Variants in THSD7A observed in about 807,000 individuals in gnomAD.
The protein encoded by THSD7A is thrombospondin type-1 domain-containing protein 7A.
Under a neutral mutation model 231.3 loss-of-function variants are expected in THSD7A, and 96 were observed. That is an observed-to-expected ratio of 0.41 (90% CI 0.35 to 0.49). The LOEUF is 0.49. THSD7A is among the 20% of genes least tolerant of loss of function. The pLI, the probability that THSD7A is intolerant of heterozygous loss-of-function variation, is 0.05. For missense variants in THSD7A, 2,290 were observed against 2,070.2 expected (o/e 1.11, Z -2.06); for synonymous variants, 940 against 743.3 (o/e 1.26, Z -4.30).
intron 2 of THSD7A, among the ~76,000 whole-genome samples, chr7:11,596,430 T>A (rs1780359262): frequency 6.6e-6 from 1 of 152,118 alleles, no homozygotes. Flanking sequence ...CCGGGATTCA[T>A]CCTGTGGTCG....
At chr7:11,375,956 T>A in intron 27 of THSD7A, 78 bp from the exon 28 acceptor site, 1 of 1,347,686 alleles carries the variant, frequency 7.4e-7, no homozygotes, top group Non-Finnish European at 1.1e-6. Flanking sequence ...GAAAAAAAAG[T>A]AAAAGCAAAT....
At chr7:11,612,617 A>C (rs1780972497) in intron 2 of THSD7A, among the ~76,000 whole-genome samples, 1 of 152,208 alleles carries the variant, frequency 6.6e-6, no homozygotes, top group South Asian at 2.1e-4. Context: ...AAGTATCAGA[A>C]GCGATGTTAT....
chr7:11,756,949 G>A (rs754255472), intron 1 of THSD7A, among the ~76,000 whole-genome samples: 5 of 152,034 alleles, frequency 3.3e-5, no homozygotes, highest in Admixed American at 6.6e-5. Context: ...CTGAATTCTG[G>A]CATCAAGTGA....
chr7:11,567,342 AACTC>A (rs200033542), intron 4 of THSD7A, among the ~76,000 whole-genome samples: 2,343 of 152,182 alleles, frequency 0.015, 56 homozygotes, highest in African/African-American at 0.051. Context: ...ATCTCGTGAG[AACTC>A]ACTCACTGTC....
At chr7:11,740,767 T>C (rs1408293618) in intron 1 of THSD7A, among the ~76,000 whole-genome samples, 2 of 151,994 alleles carry the variant, frequency 1.3e-5, no homozygotes, top group Non-Finnish European at 2.9e-5. Context: ...CCAGAAAGTA[T>C]ATTGTGTGTG....
intron 2 of THSD7A, among the ~76,000 whole-genome samples, chr7:11,611,730 TG>T (rs1343888567): frequency 6.6e-6 from 1 of 151,462 alleles, no homozygotes; most frequent in African/African-American, 2.4e-5. Flanking sequence ...AGGAGTGTTT[TG>T]AAGGTTGTAG....
At chr7:11,478,013 T>A (rs999710232) in intron 7 of THSD7A, among the ~76,000 whole-genome samples, 6 of 152,134 alleles carry the variant, frequency 3.9e-5, no homozygotes, top group African/African-American at 1.4e-4. Flanking sequence ...TACCACAGAG[T>A]GTACTAGTTT....
Position 11,446,806 on chromosome 7 carries a change from T to C in THSD7A, c.2800+424A>G, listed in dbSNP as rs943379110. On this transcript the variant is annotated intron_variant, in intron 12 of 27. Transcript: ENST00000423059. The surrounding 1 kb of genome is among the most constrained non-coding windows in gnomAD (Gnocchi z 4.0). The stretch of plus-strand genomic sequence containing the variant: ...ATATTCATGCTGTTAGTCATTACTA[T>C]GGTTTAAAATACAATTTTCAGATAC... Among the ~76,000 whole-genome samples, 3 of 152,160 alleles carry C rather than the reference T, an allele frequency of 2.0e-5. No individual in the cohort carries two copies. Among genetic ancestry groups the C allele is most frequent in the Non-Finnish European group, 2.9e-5 (2 of 68,004 alleles).
intron 13 of THSD7A, among the ~76,000 whole-genome samples, chr7:11,431,202 G>A (rs1268448668): frequency 6.6e-6 from 1 of 152,152 alleles, no homozygotes; most frequent in African/African-American, 2.4e-5. Context: ...AGTTTTAAAT[G>A]TCAATGAAGT....
At chr7:11,553,875 T>C (rs1170693365) in intron 4 of THSD7A, among the ~76,000 whole-genome samples, 2 of 151,892 alleles carry the variant, frequency 1.3e-5, no homozygotes, top group African/African-American at 2.4e-5. Flanking sequence ...TCAACACTTC[T>C]TTTTCTATCA....
chr7:11,439,140 G>A (rs2128292718), intron 13 of THSD7A, among the ~76,000 whole-genome samples: 1 of 151,986 alleles, frequency 6.6e-6, no homozygotes, highest in South Asian at 2.1e-4. Flanking sequence ...TCTGAATTGG[G>A]CTTTGATTTT....
intron 1 of THSD7A, among the ~76,000 whole-genome samples, chr7:11,695,293 C>A (rs927228014): frequency 6.6e-6 from 1 of 151,426 alleles, no homozygotes; most frequent in Non-Finnish European, 1.5e-5. Context: ...GTATTAAAAC[C>A]TGAGAGTGTT....
At chr7:11,529,604 C>CTT (rs1491567836) in intron 6 of THSD7A, among the ~76,000 whole-genome samples, 1 of 52,046 alleles carries the variant, frequency 1.9e-5, no homozygotes, top group African/African-American at 2.5e-4. Context: ...TCCCCCTTTG[C>CTT]TCTCTCTCTC....
At position 11,379,492 on chromosome 7, in the gene THSD7A, A is replaced by AT. The variant is rs375924370; in HGVS notation, c.4590+137dup. 1.2e-3 allele frequency: 1,096 copies of AT among 919,182 alleles called. 9 individuals are homozygous for AT. The African/African-American group carries it at 0.016, about 14-fold the overall frequency. The allele number at this position is 919,182 out of a possible 1,614,324, so 56.9% of individuals were successfully genotyped here. ...AGCAAGTGAAGTCAGGACTTTTTAGATTGATAAAAGGAGATGTCTAAAATG... is the reference window on the plus strand; with the variant it reads ...AGCAAGTGAAGTCAGGACTTTTTAGATTTGATAAAAGGAGATGTCTAAAATG... On this transcript the variant is annotated intron_variant, in intron 25 of 27. Transcript: ENST00000423059.
At chr7:11,571,599 A>G (rs12699239) in intron 4 of THSD7A, among the ~76,000 whole-genome samples, 98,840 of 152,096 alleles carry the variant, frequency 0.65, 32,661 homozygotes, top group African/African-American at 0.78. Context: ...TCCATAGTCT[A>G]TGTTCACAAC....
At chr7:11,454,024 G>A (rs1785225924) in intron 11 of THSD7A, among the ~76,000 whole-genome samples, 1 of 152,062 alleles carries the variant, frequency 6.6e-6, no homozygotes, top group Middle Eastern at 3.4e-3. Flanking sequence ...AGACAGTGGA[G>A]GTTACAGTTC....
chr7:11,650,302 T>C (rs1782446501), intron 1 of THSD7A, among the ~76,000 whole-genome samples: 1 of 152,054 alleles, frequency 6.6e-6, no homozygotes, highest in South Asian at 2.1e-4. Flanking sequence ...CAACGTCTCC[T>C]GCATCTTCTG....
chr7:11,432,555 C>G (rs1326551589), intron 13 of THSD7A, among the ~76,000 whole-genome samples: 1 of 152,010 alleles, frequency 6.6e-6, no homozygotes, highest in Non-Finnish European at 1.5e-5. Flanking sequence ...TCATGTAAAT[C>G]GAATCATATA....
At chr7:11,818,382 A>G (rs140358948) in intron 1 of THSD7A, among the ~76,000 whole-genome samples, 3 of 152,222 alleles carry the variant, frequency 2.0e-5, no homozygotes, top group Non-Finnish European at 4.4e-5. Flanking sequence ...ATAGTGTACT[A>G]TATTTCTATT....
Sources: allele counts gnomAD v4.1 joint callset (sites outside exome capture counted in the v4.1 genomes callset), GRCh38; gene constraint gnomAD v4.1.1; non-coding constraint Gnocchi (gnomAD v3.1); transcripts MANE v1.5; gene names NCBI Gene and HGNC (gene_info 2026-07-23, HGNC 2026-07-21).